DMTN: variants seen among roughly 807,000 people sequenced by gnomAD.
DMTN encodes the protein dematin.
DMTN carries 27 observed loss-of-function variants against 59.4 expected under a neutral mutation model. The ratio of observed to expected loss-of-function variants is 0.45; its 90% CI spans 0.33 to 0.63. The LOEUF is 0.63. Ranked by LOEUF, DMTN falls within the 20% of genes least tolerant of loss-of-function variation. DMTN has a pLI of 0.02. For missense variants in DMTN, 451 were observed against 528.9 expected (o/e 0.85, Z 1.45); for synonymous variants, 221 against 203.7 (o/e 1.08, Z -0.72).
chr8:22,066,934 TG>T, intron 2 of DMTN, 41 bp downstream of exon 2: 2 of 1,236,282 alleles, frequency 1.6e-6, no homozygotes, highest in South Asian at 3.3e-5. Context: ...CGAGGGCGGG[TG>T]GGGGCCGCTT....
intron 1 of DMTN, among the ~76,000 whole-genome samples, chr8:22,064,816 C>A (rs1809316026): frequency 6.6e-6 from 1 of 152,164 alleles, no homozygotes; most frequent in South Asian, 2.1e-4. Context: ...ACTTGAGAAT[C>A]TGGCAGGTTC....
intron 10 of DMTN, among the ~76,000 whole-genome samples, chr8:22,077,247 C>T (rs1302457351): frequency 6.6e-6 from 1 of 151,960 alleles, no homozygotes; most frequent in African/African-American, 2.4e-5. Flanking sequence ...CTGGAGTTCT[C>T]CATGAGGTTG....
chr8:22,051,917 C>G (rs570848644), upstream of DMTN, among the ~76,000 whole-genome samples: 31 of 152,360 alleles, frequency 2.0e-4, no homozygotes, highest in African/African-American at 5.8e-4. Context: ...ATCTTTAAGA[C>G]TCCTGTCCAG....
In DMTN at chr8:22,073,802, C is replaced by G. The variant is rs771080969; in HGVS notation, c.802C>G (p.Arg268Gly). Residue 268 changes from arginine to glycine, a missense_variant, in exon 10 of 16, where the codon CGC becomes GGC. By Grantham distance (125) the Arg-to-Gly change is moderately radical. Coordinates refer to ENST00000358242, the MANE Select transcript of DMTN (RefSeq NM_001387751.1). ...EKSLPIRRKTRSLPDRTPFHT... is the reference protein window; with the variant it reads ...EKSLPIRRKTGSLPDRTPFHT... ...GTCATTGCCGATCCGAAGGAAAACC[C>G]GCTCTCTGCCTGACCGGACACCCTT... 4.3e-6 allele frequency: 7 copies of G among 1,613,954 alleles called. No individual in the cohort carries two copies. The highest frequency in any genetic ancestry group is 5.9e-6 in the Non-Finnish European group (7 of 1,180,020).
chr8:22,068,162 G>A (rs774729290), intron 4 of DMTN, among the ~76,000 whole-genome samples: 1 of 152,166 alleles, frequency 6.6e-6, no homozygotes. Context: ...GTGACAGGGG[G>A]CTAGATCATG....
chr8:22,053,060 T>C (rs1801518077), upstream of DMTN, among the ~76,000 whole-genome samples: 1 of 152,050 alleles, frequency 6.6e-6, no homozygotes, highest in African/African-American at 2.4e-5. Flanking sequence ...GGAGAAAATA[T>C]GCACAGAGCG....
At chr8:22,075,614 G>T (rs1819204564) in intron 10 of DMTN, among the ~76,000 whole-genome samples, 1 of 143,258 alleles carries the variant, frequency 7.0e-6, no homozygotes, top group Non-Finnish European at 1.5e-5. Context: ...TGCCTCCCAG[G>T]TTCAAGCAAT....
At position 22,079,301 on chromosome 8, in the gene DMTN, T is replaced by TATATATATATATATA. The variant is rs199745360; in HGVS notation, c.836-879_836-878insATATATATATATATA. Among the ~76,000 whole-genome samples, 104 of 84,788 alleles carry TATATATATATATATA rather than the reference T, an allele frequency of 1.2e-3. 1 individual carries two copies. Among genetic ancestry groups the TATATATATATATATA allele is most frequent in the Middle Eastern group, 6.0e-3 (1 of 168 alleles). The allele number at this position is 84,788 out of a possible 152,430, so 55.6% of individuals were successfully genotyped here. ...AAATATATATATATATATATATATA[T>TATATATATATATATA]TAGCTGGGTTTGATGGCGCATGCCC... On this transcript the variant is annotated intron_variant, in intron 10 of 15. Coordinates refer to ENST00000358242, the MANE Select transcript of DMTN (RefSeq NM_001387751.1).
upstream of DMTN, among the ~76,000 whole-genome samples, chr8:22,050,289 G>C (rs919251712): frequency 1.3e-5 from 2 of 152,072 alleles, no homozygotes; most frequent in African/African-American, 2.4e-5. Flanking sequence ...GTAGAAGACT[G>C]GACTTTGGGG....
chr8:22,081,057 G>T, intron 14 of DMTN, 56 bp from the exon 15 acceptor site: 1 of 1,571,286 alleles, frequency 6.4e-7, no homozygotes. Flanking sequence ...GAGGCCTAGG[G>T]AGTCGAAGGA....
intron 8 of DMTN, 177 bp downstream of exon 8, chr8:22,070,511 T>G: frequency 1.5e-6 from 1 of 675,790 alleles, no homozygotes; most frequent in East Asian, 3.3e-5. Flanking sequence ...TGTGTTCCCA[T>G]AGCGCTTGGT....
In DMTN at chr8:22,080,305, G is replaced by A; in HGVS notation, c.900+61G>A. On this transcript the variant is annotated intron_variant, in intron 11 of 15. Transcript: ENST00000358242. ...GAGGAACGTGCATGTGGGGTGCTGA[G>A]GGACTGAGCCACTTGGGCACCCTCA... The A allele has an allele frequency of 3.1e-6, 5 of 1,613,492 alleles. No individual in the cohort carries two copies. In the South Asian group the frequency reaches 4.4e-5, roughly 14 times the overall value.
At chr8:22,072,755 G>A (rs1056475432) in intron 9 of DMTN, among the ~76,000 whole-genome samples, 26 of 151,554 alleles carry the variant, frequency 1.7e-4, no homozygotes, top group African/African-American at 6.1e-4. Flanking sequence ...AATTACAGGC[G>A]TGAGCCACTA....
intron 1 of DMTN, among the ~76,000 whole-genome samples, chr8:22,063,765 C>T (rs1378463986): frequency 6.6e-6 from 1 of 152,212 alleles, no homozygotes; most frequent in African/African-American, 2.4e-5. Flanking sequence ...TTTCCCCTCT[C>T]TTGACACCCC....
Position 22,069,018 on chromosome 8 carries a change from C to T in DMTN, c.252C>T (p.Arg84=), listed in dbSNP as rs535807436. The change falls in exon 5 of 16, where the codon CGC becomes CGT. Residue 84 remains arginine, a splice_region_variant and synonymous_variant. Transcript: ENST00000358242. ...ACCAGCCCCCTCTCCATTCACAGCGCTCGCTGTCACCCAAATCCACATCCC... is the reference window on the plus strand; with the variant it reads ...ACCAGCCCCCTCTCCATTCACAGCGTTCGCTGTCACCCAAATCCACATCCC... ...EHVELPRSRE[R]SLSPKSTSPP... is the part of the protein sequence containing the mutation. 2 of 1,613,044 alleles carry T rather than the reference C, an allele frequency of 1.2e-6. No individual in the cohort carries two copies. The highest frequency in any genetic ancestry group is 2.2e-5 in the South Asian group (2 of 90,976).
At chr8:22,062,564 T>A (rs2130668430) in intron 1 of DMTN, among the ~76,000 whole-genome samples, 1 of 152,220 alleles carries the variant, frequency 6.6e-6, no homozygotes, top group Admixed American at 6.5e-5. Flanking sequence ...TGCAAACACA[T>A]TAAAGGCCTT....
intron 1 of DMTN, among the ~76,000 whole-genome samples, chr8:22,066,101 C>T (rs1563435162): frequency 6.6e-6 from 1 of 152,156 alleles, no homozygotes; most frequent in Non-Finnish European, 1.5e-5. Context: ...GCCTCAGCCT[C>T]GCAAAGTGCT....
chr8:22,069,761 T>C (rs1001502109), intron 6 of DMTN, 120 bp from the exon 7 acceptor site: 23 of 1,208,120 alleles, frequency 1.9e-5, no homozygotes, highest in Non-Finnish European at 2.7e-5. Flanking sequence ...AGCCCTGTCT[T>C]GGCTCTTGAC....
At chr8:22,056,708 G>A (rs1012326379), upstream of DMTN, among the ~76,000 whole-genome samples, 5 of 152,144 alleles carry the variant, frequency 3.3e-5, no homozygotes, top group African/African-American at 7.2e-5. Flanking sequence ...GGAAGAGCGC[G>A]CACATCCACA....
Sources: allele counts gnomAD v4.1 joint callset (sites outside exome capture counted in the v4.1 genomes callset), GRCh38; gene constraint gnomAD v4.1.1; transcripts MANE v1.5; gene names NCBI Gene and HGNC (gene_info 2026-07-23, HGNC 2026-07-21).